The following ERBB4 variants were observed in gnomAD, a reference collection of about 807,000 sequenced individuals.
ERBB4 encodes receptor tyrosine-protein kinase erbB-4.
In ERBB4, 42 loss-of-function variants were observed where a neutral mutation model predicts 158.0. That is an observed-to-expected ratio of 0.27 (90% confidence interval 0.21 to 0.34). ERBB4 has a LOEUF of 0.34. Ranked by LOEUF, ERBB4 falls within the 10% of genes least tolerant of loss-of-function variation. The probability of loss-of-function intolerance (pLI) is 1.00; values close to 1 mark genes in which losing one functional copy is unlikely to be tolerated. For missense variants in ERBB4, 1,333 were observed against 1,624.1 expected (o/e 0.82, Z 3.08); for synonymous variants, 583 against 558.7 (o/e 1.04, Z -0.61).
chr2:212,348,426 G>A (rs887995438), intron 1 of ERBB4, among the ~76,000 whole-genome samples: 3 of 151,986 alleles, frequency 2.0e-5, no homozygotes, highest in African/African-American at 4.8e-5. Context: ...AAAGAAGACT[G>A]AAAAGAAAAG....
chr2:211,995,097 C>T (rs915212762), intron 2 of ERBB4, among the ~76,000 whole-genome samples: 2 of 152,180 alleles, frequency 1.3e-5, no homozygotes, highest in Non-Finnish European at 2.9e-5. Context: ...AGTCACGTCT[C>T]TTAGACACAT....
intron 2 of ERBB4, among the ~76,000 whole-genome samples, chr2:212,123,162 G>C (rs139237737): frequency 1.3e-5 from 2 of 152,214 alleles, no homozygotes. Context: ...AGCACTTTGG[G>C]AGGCCGAGGA....
rs1000068615 is a variant in ERBB4 at position 212,345,570 on chromosome 2, C to T, written c.82+192879G>A. On this transcript the variant is annotated intron_variant, in intron 1 of 27. Coordinates refer to ENST00000342788, the MANE Select transcript of ERBB4 (RefSeq NM_005235.3). Reference sequence around the variant, plus strand: ...AACATGCCGTAAATGTCACTTCTCTCGGACAATAAGTTTTTATAGTTTTGA... The same window carrying T: ...AACATGCCGTAAATGTCACTTCTCTTGGACAATAAGTTTTTATAGTTTTGA... 7.9e-5 allele frequency among the ~76,000 whole-genome samples: 12 copies of T among 151,934 alleles called. No homozygotes were observed. The East Asian group carries it at 1.9e-3, about 24-fold the overall frequency.
chr2:211,498,231 A>C (rs1320192522), intron 20 of ERBB4, among the ~76,000 whole-genome samples: 2 of 152,062 alleles, frequency 1.3e-5, no homozygotes, highest in South Asian at 2.1e-4. Context: ...CAGTGTTCTA[A>C]TTTGTGCTAA....
chr2:212,198,800 T>A (rs2082507398), intron 1 of ERBB4, among the ~76,000 whole-genome samples: 1 of 140,598 alleles, frequency 7.1e-6, no homozygotes, highest in Non-Finnish European at 1.5e-5. Context: ...GCCAGGCTGG[T>A]CTCAAACTCC....
rs112452519 is a variant in ERBB4 at position 212,150,580 on chromosome 2, C to A, written c.83-25677G>T. 6.6e-3 allele frequency among the ~76,000 whole-genome samples: 1,008 copies of A among 152,182 alleles called. 7 individuals are homozygous for A. The highest frequency in any genetic ancestry group is 0.024 in the Middle Eastern group (7 of 294). ...CGATCCTCCTTTGCCTTACTTCCTT[C>A]CCCCAAGATGAGATAATTTTGAGAA... is the stretch of plus-strand genomic sequence containing the variant. On this transcript the variant is annotated intron_variant, in intron 1 of 27. Coordinates refer to ENST00000342788, the MANE Select transcript of ERBB4 (RefSeq NM_005235.3).
intron 3 of ERBB4, among the ~76,000 whole-genome samples, chr2:211,905,606 A>G (rs2125042524): frequency 6.8e-6 from 1 of 146,052 alleles, no homozygotes; most frequent in South Asian, 2.2e-4. Flanking sequence ...CATAAAAACT[A>G]TATATACCTA....
At chr2:211,746,722 T>G (rs182578369) in intron 5 of ERBB4, among the ~76,000 whole-genome samples, 1 of 151,228 alleles carries the variant, frequency 6.6e-6, no homozygotes, top group Admixed American at 6.6e-5. Flanking sequence ...CCCAGCTACT[T>G]GTGAGGCTGA....
intron 1 of ERBB4, among the ~76,000 whole-genome samples, chr2:212,347,422 A>G (rs2089058539): frequency 1.3e-5 from 2 of 152,156 alleles, no homozygotes; most frequent in African/African-American, 4.8e-5. Context: ...GGAATCACTA[A>G]TATACCCAAA....
At chr2:212,435,240 C>T (rs566864979) in intron 1 of ERBB4, among the ~76,000 whole-genome samples, 1 of 152,054 alleles carries the variant, frequency 6.6e-6, no homozygotes, top group East Asian at 1.9e-4. Context: ...TACCTAATCC[C>T]CAGGAGAAAC....
At chr2:212,396,952 T>C (rs2091045348) in intron 1 of ERBB4, among the ~76,000 whole-genome samples, 1 of 152,168 alleles carries the variant, frequency 6.6e-6, no homozygotes. Flanking sequence ...ATGTATAATC[T>C]GATTGTTTTC....
At chr2:212,471,195 A>G (rs1310499493) in intron 1 of ERBB4, among the ~76,000 whole-genome samples, 3 of 152,014 alleles carry the variant, frequency 2.0e-5, no homozygotes, top group South Asian at 2.1e-4. Flanking sequence ...TCATTCTTGA[A>G]TCAAAATTAA....
intron 2 of ERBB4, among the ~76,000 whole-genome samples, chr2:212,093,940 C>A (rs67888322): frequency 0.1 from 15,685 of 151,842 alleles, 1,600 homozygotes; most frequent in East Asian, 0.57. Context: ...GTAAGATAAC[C>A]TTTCCTTCCA....
chr2:211,448,661 A>G (rs981380166), intron 20 of ERBB4, among the ~76,000 whole-genome samples: 1 of 152,216 alleles, frequency 6.6e-6, no homozygotes, highest in Non-Finnish European at 1.5e-5. Context: ...TAGAATTCTT[A>G]GTACAGCTAC....
At chr2:212,455,068 A>G (rs1242828133) in intron 1 of ERBB4, among the ~76,000 whole-genome samples, 1 of 152,174 alleles carries the variant, frequency 6.6e-6, no homozygotes, top group Non-Finnish European at 1.5e-5. Flanking sequence ...GAAATTCTCC[A>G]TCTTCCCACC....
chr2:212,313,644 C>T (rs1034488293), intron 1 of ERBB4, among the ~76,000 whole-genome samples: 2 of 150,860 alleles, frequency 1.3e-5, no homozygotes, highest in Non-Finnish European at 3.0e-5. Flanking sequence ...AATTAACATG[C>T]CATTTTATGA....
intron 3 of ERBB4, among the ~76,000 whole-genome samples, chr2:211,860,222 C>T (rs984682861): frequency 1.3e-5 from 2 of 152,112 alleles, no homozygotes; most frequent in Non-Finnish European, 2.9e-5. Flanking sequence ...CATAGAGAAA[C>T]AAGATTTGCC....
intron 2 of ERBB4, among the ~76,000 whole-genome samples, chr2:212,097,719 T>C (rs1475063761): frequency 2.6e-5 from 4 of 152,108 alleles, no homozygotes; most frequent in African/African-American, 9.7e-5. Flanking sequence ...TGTTAGGGAA[T>C]CCAAATGATT....
At chr2:211,721,836 G>A (rs949559711) in intron 7 of ERBB4, among the ~76,000 whole-genome samples, 1 of 151,880 alleles carries the variant, frequency 6.6e-6, no homozygotes, top group Non-Finnish European at 1.5e-5. Flanking sequence ...AAATACTGTG[G>A]TATAGTAAAA....
Sources: allele counts gnomAD v4.1 joint callset (sites outside exome capture counted in the v4.1 genomes callset), GRCh38; gene constraint gnomAD v4.1.1; transcripts MANE v1.5; gene names NCBI Gene and HGNC (gene_info 2026-07-23, HGNC 2026-07-21).